CUX1: variants seen among roughly 807,000 people sequenced by gnomAD.
CUX1 encodes the protein protein CASP.
CUX1 carries 31 observed loss-of-function variants against 158.8 expected under a neutral mutation model. The observed-to-expected ratio is 0.20, with a 90% CI of 0.15 to 0.26. The LOEUF is 0.26. Among genes scored for constraint, CUX1 ranks in the 10% least tolerant of loss-of-function variants. The pLI, the probability that CUX1 is intolerant of heterozygous loss-of-function variation, is 1.00. For missense variants in CUX1, 1,589 were observed against 2,014.6 expected, an observed-to-expected ratio of 0.79 and a Z score of 4.04; for synonymous variants, 879 against 862.1, an observed-to-expected ratio of 1.02 and a Z score of -0.34.
At chr7:101,927,142 AACACAACACAC>A (rs1028576838) in intron 2 of CUX1, among the ~76,000 whole-genome samples, 2 of 102,620 alleles carry the variant, frequency 1.9e-5, no homozygotes, top group South Asian at 7.2e-4. Context: ...ATCACCTGTC[AACACAACACAC>A]ACACACACAC....
At chr7:102,281,762 CT>C in intron 20 of CUX1, 1 of 985,454 alleles carries the variant, frequency 1.0e-6, no homozygotes. Flanking sequence ...CCCTAGGGCC[CT>C]TTCTGTGAAG....
chr7:102,250,972 A>G lies in CUX1; in HGVS notation c.*1930A>G. 1.0e-6 allele frequency: 1 copy of G among 958,360 alleles called. No individual in the cohort carries two copies. The highest frequency in any genetic ancestry group is 4.8e-5 in the South Asian group (1 of 20,702). The allele number at this position is 958,360 out of a possible 1,614,324, so 59.4% of individuals were successfully genotyped here. ...CAATAGATGATTTCGGTATATATAT[A>G]TATTTTTTTTTGCTTATTTATAGGT... On this transcript the variant is annotated 3_prime_UTR_variant, in exon 24 of 24. Coordinates refer to ENST00000292535, the MANE Select transcript of CUX1 (RefSeq NM_181552.4).
intron 2 of CUX1, among the ~76,000 whole-genome samples, chr7:101,968,196 C>T (rs1811465348): frequency 1.3e-5 from 2 of 152,062 alleles, no homozygotes; most frequent in African/African-American, 4.8e-5. Context: ...TGAACCACTG[C>T]ACCTGGTACT....
chr7:102,199,789 A>G (rs1268877342), intron 16 of CUX1, among the ~76,000 whole-genome samples: 1 of 152,198 alleles, frequency 6.6e-6, no homozygotes, highest in Non-Finnish European at 1.5e-5. Flanking sequence ...CCTTTTATAT[A>G]TATGGATTAA....
intron 2 of CUX1, among the ~76,000 whole-genome samples, chr7:101,978,904 C>T (rs779618009): frequency 5.3e-5 from 8 of 152,214 alleles, no homozygotes; most frequent in Non-Finnish European, 1.0e-4. Context: ...TCACGGCGTA[C>T]GTCCAGCCCC....
chr7:101,936,687 G>A (rs182880785), intron 2 of CUX1, among the ~76,000 whole-genome samples: 158 of 152,286 alleles, frequency 1.0e-3, no homozygotes, highest in African/African-American at 3.5e-3. Context: ...GTGGCAGGGG[G>A]CCAGCGGAGG....
chr7:102,222,809 A>ATATTTTTTTTTTTT (rs1554527459), intron 20 of CUX1, among the ~76,000 whole-genome samples: 1 of 23,282 alleles, frequency 4.3e-5, no homozygotes, highest in Non-Finnish European at 7.6e-5. Context: ...GGGGCACCGT[A>ATATTTTTTTTTTTT]TCTTTTTTTT....
intron 2 of CUX1, among the ~76,000 whole-genome samples, chr7:102,014,023 G>C (rs920700381): frequency 6.6e-6 from 1 of 152,108 alleles, no homozygotes; most frequent in Non-Finnish European, 1.5e-5. Flanking sequence ...GTTTTAATCT[G>C]TTATTGAGTA....
intron 1 of CUX1, among the ~76,000 whole-genome samples, chr7:101,875,906 A>G (rs1799077066): frequency 6.6e-6 from 1 of 152,158 alleles, no homozygotes; most frequent in African/African-American, 2.4e-5. Flanking sequence ...AGATTAAGAA[A>G]CTACAAGAAA....
At chr7:101,920,262 C>T (rs1804758518) in intron 2 of CUX1, among the ~76,000 whole-genome samples, 1 of 152,028 alleles carries the variant, frequency 6.6e-6, no homozygotes, top group Admixed American at 6.6e-5. Flanking sequence ...GCTGGGATTA[C>T]AGGCATGCGC....
chr7:101,836,967 A>T (rs368525036), intron 1 of CUX1, among the ~76,000 whole-genome samples: 1 of 152,094 alleles, frequency 6.6e-6, no homozygotes, highest in Admixed American at 6.6e-5. Flanking sequence ...CCCCGTCCCC[A>T]TTTTTCTGTG....
intron 10 of CUX1, among the ~76,000 whole-genome samples, chr7:102,174,435 G>T (rs965254261): frequency 1.1e-4 from 16 of 152,094 alleles, no homozygotes; most frequent in African/African-American, 3.6e-4. Context: ...AAGCTTTGAA[G>T]GCCACCTCTT....
chr7:101,886,957 C>G (rs1800289138), intron 1 of CUX1, among the ~76,000 whole-genome samples: 1 of 152,152 alleles, frequency 6.6e-6, no homozygotes, highest in African/African-American at 2.4e-5. Context: ...ACAGGATGGC[C>G]CCCACCCTGC....
chr7:101,817,608 C>T, upstream of CUX1: 1 of 1,537,882 alleles, frequency 6.5e-7, no homozygotes. The surrounding 1 kb of genome is among the most constrained non-coding windows in gnomAD (Gnocchi z 4.1). Flanking sequence ...GCGCCCGCGG[C>T]GCCGGGACAG....
intron 4 of CUX1, among the ~76,000 whole-genome samples, chr7:102,084,427 C>CT (rs11353240): frequency 0.12 from 13,845 of 116,248 alleles, 2,520 homozygotes; most frequent in African/African-American, 0.36. Flanking sequence ...ATACTTTTTT[C>CT]TTTTTTTTTT....
intron 8 of CUX1, among the ~76,000 whole-genome samples, chr7:102,133,331 C>T (rs529546237): frequency 1.3e-5 from 2 of 152,216 alleles, no homozygotes; most frequent in East Asian, 1.9e-4. Context: ...CCTGCCCTGC[C>T]TTGCCTGCTC....
intron 6 of CUX1, among the ~76,000 whole-genome samples, chr7:102,107,859 A>C (rs539932293): frequency 2.6e-5 from 4 of 152,208 alleles, no homozygotes; most frequent in Non-Finnish European, 5.9e-5. Context: ...GACCAAGGCC[A>C]GTCCCTTGGG....
intron 14 of CUX1, among the ~76,000 whole-genome samples, chr7:102,266,679 C>A (rs562061708): frequency 2.6e-4 from 39 of 152,082 alleles, no homozygotes; most frequent in African/African-American, 8.4e-4. Flanking sequence ...GGCAGAGCAG[C>A]CAGCCGGGGA....
At chr7:102,196,042 G>A (rs968626940) in intron 14 of CUX1, among the ~76,000 whole-genome samples, 1 of 152,194 alleles carries the variant, frequency 6.6e-6, no homozygotes, top group South Asian at 2.1e-4. Flanking sequence ...CCCTGGGGAC[G>A]CGTCCCCCAT....
Sources: gnomAD v4.1 joint callset for allele counts (sites outside exome capture counted in the v4.1 genomes callset) on GRCh38, gnomAD v4.1.1 for gene constraint, Gnocchi (gnomAD v3.1) non-coding constraint, MANE v1.5 for transcripts, NCBI Gene and HGNC (gene_info 2026-07-23, HGNC 2026-07-21) for gene names.